The following MAGI2 variants were observed in gnomAD, a reference collection of about 807,000 sequenced individuals.
The protein encoded by MAGI2 is membrane associated guanylate kinase, WW and PDZ domain containing 2, also known as membrane-associated guanylate kinase, WW and PDZ domain-containing protein 2.
MAGI2 carries 35 observed loss-of-function variants against 133.3 expected under a neutral mutation model. The ratio of observed to expected loss-of-function variants is 0.26; its 90% confidence interval spans 0.20 to 0.35. MAGI2 has a LOEUF of 0.35. Ranked by LOEUF, MAGI2 falls within the 10% of genes least tolerant of loss-of-function variation. MAGI2 has a pLI of 1.00. For synonymous variants in MAGI2, 729 were observed against 710.6 expected (o/e 1.03, Z -0.41); for missense variants, 1,636 against 1,863.4 (o/e 0.88, Z 2.25).
At chr7:78,300,541 A>G (rs1797737178) in intron 9 of MAGI2, among the ~76,000 whole-genome samples, 1 of 152,220 alleles carries the variant, frequency 6.6e-6, no homozygotes, top group Non-Finnish European at 1.5e-5. Flanking sequence ...CACGGTGGCA[A>G]TAGGTAATTA....
intron 6 of MAGI2, among the ~76,000 whole-genome samples, chr7:78,458,673 T>C (rs368051171): frequency 1.1e-4 from 17 of 151,636 alleles, no homozygotes; most frequent in South Asian, 6.2e-4. Context: ...CTCACTCTGT[T>C]ACCCAGGCTG....
intron 2 of MAGI2, among the ~76,000 whole-genome samples, chr7:78,827,558 G>A (rs1376689897): frequency 1.3e-5 from 2 of 151,924 alleles, no homozygotes; most frequent in Admixed American, 6.5e-5. Context: ...AATACATGGC[G>A]GCTCACCATG....
chr7:78,796,927 G>A (rs937509780), intron 2 of MAGI2, among the ~76,000 whole-genome samples: 6 of 152,116 alleles, frequency 3.9e-5, no homozygotes, highest in African/African-American at 1.4e-4. Flanking sequence ...AGCTACAAAA[G>A]TGGATTTCAC....
chr7:79,338,693 G>A (rs541982452), intron 1 of MAGI2, among the ~76,000 whole-genome samples: 8 of 152,154 alleles, frequency 5.3e-5, no homozygotes, highest in African/African-American at 1.9e-4. Context: ...AGGTGTCTAG[G>A]ACCCCTAAAT....
At chr7:79,338,710 T>C (rs1045177186) in intron 1 of MAGI2, among the ~76,000 whole-genome samples, 1 of 152,120 alleles carries the variant, frequency 6.6e-6, no homozygotes, top group Non-Finnish European at 1.5e-5. Context: ...AAATATGTTG[T>C]ATCCCATGTT....
intron 1 of MAGI2, among the ~76,000 whole-genome samples, chr7:79,337,204 A>G (rs1046347659): frequency 6.6e-6 from 1 of 152,304 alleles, no homozygotes; most frequent in South Asian, 2.1e-4. Context: ...AACACCAAAA[A>G]GTCTATCCAG....
chr7:78,653,436 A>G (rs889876645), intron 2 of MAGI2, among the ~76,000 whole-genome samples: 2 of 152,240 alleles, frequency 1.3e-5, no homozygotes, highest in African/African-American at 4.8e-5. Flanking sequence ...CATATACATT[A>G]TGGAATACTA....
chr7:78,093,679 T>C (rs928366243), intron 20 of MAGI2, among the ~76,000 whole-genome samples: 3 of 152,246 alleles, frequency 2.0e-5, no homozygotes, highest in Non-Finnish European at 4.4e-5. Flanking sequence ...GCTAAAGTGA[T>C]ATTACTCTAT....
chr7:79,057,936 C>A (rs763603877), intron 1 of MAGI2, among the ~76,000 whole-genome samples: 2 of 149,764 alleles, frequency 1.3e-5, no homozygotes, highest in Non-Finnish European at 1.5e-5. Flanking sequence ...ACAAATTGTT[C>A]CTGCCCAGAA....
intron 7 of MAGI2, among the ~76,000 whole-genome samples, chr7:78,363,511 G>GATA (rs10570471): frequency 1.8e-3 from 268 of 147,788 alleles, no homozygotes; most frequent in Middle Eastern, 0.014. Context: ...TAATAATAAT[G>GATA]ATAATAATAA....
Position 78,193,841 on chromosome 7 carries a change from C to T in MAGI2, c.2269+1033G>A, listed in dbSNP as rs995973930. ...ATGGCTTGCCATCCTAACTATTTTT[C>T]AACCAAAATTAGTTCTACAAAGAGT... On this transcript the variant is annotated intron_variant, in intron 12 of 21. Transcript: ENST00000354212. Among the ~76,000 whole-genome samples the T allele has an allele frequency of 8.5e-5, 13 of 152,100 alleles. No individual in the cohort carries two copies. The South Asian group carries it at 2.7e-3, about 32-fold the overall frequency.
chr7:78,723,150 TC>T lies in MAGI2; in HGVS notation c.419-95912del, dbSNP rs559791092. Among the ~76,000 whole-genome samples, 4 of 152,302 alleles carry T rather than the reference TC, an allele frequency of 2.6e-5. No individual in the cohort carries two copies. The South Asian group carries it at 6.2e-4, about 24-fold the overall frequency. On this transcript the variant is annotated intron_variant, in intron 2 of 21. Transcript: ENST00000354212. ...CGCATGATTAATCTTTTAAATAATA[TC>T]CTAATATTGTTTAAATATACTTTGA...
At chr7:78,324,174 CT>C (rs1788332154) in intron 9 of MAGI2, among the ~76,000 whole-genome samples, 1 of 140,500 alleles carries the variant, frequency 7.1e-6, no homozygotes, top group African/African-American at 2.6e-5. Flanking sequence ...ACACTACACA[CT>C]ACACTACACT....
intron 2 of MAGI2, among the ~76,000 whole-genome samples, chr7:78,635,200 G>A (rs202150364): frequency 2.0e-5 from 3 of 152,272 alleles, no homozygotes; most frequent in East Asian, 3.9e-4. Flanking sequence ...ACATGGAAGC[G>A]ACTTGTCATT....
In MAGI2 at chr7:78,987,968, G is replaced by A. The variant is rs577424530; in HGVS notation, c.418+19122C>T. On this transcript the variant is annotated intron_variant, in intron 2 of 21. Transcript: ENST00000354212. ...TTTGCTTTTATATGAAGGACGCTTT[G>A]GTTCGTATTAGTTAAAATAATGCTG... Among the ~76,000 whole-genome samples, 3 of 152,076 alleles carry A rather than the reference G, an allele frequency of 2.0e-5. No homozygotes were observed. In the East Asian group the frequency reaches 5.8e-4, roughly 30 times the overall value.
intron 2 of MAGI2, among the ~76,000 whole-genome samples, chr7:78,969,340 C>T (rs920686737): frequency 6.6e-6 from 1 of 152,070 alleles, no homozygotes; most frequent in African/African-American, 2.4e-5. Context: ...TCCGCCCAAA[C>T]GTGGAAACCC....
In MAGI2 at chr7:78,529,668, G is replaced by GTTTTTTTTTTTTTTTTTTTTTTTT. The variant is rs554010061; in HGVS notation, c.539-8047_539-8024dup. Among the ~76,000 whole-genome samples, 70 of 57,422 alleles carry GTTTTTTTTTTTTTTTTTTTTTTTT rather than the reference G, an allele frequency of 1.2e-3. 23 individuals are homozygous for GTTTTTTTTTTTTTTTTTTTTTTTT. The highest frequency in any genetic ancestry group is 1.9e-3 in the Non-Finnish European group (55 of 28,730). The allele number at this position is 57,422 out of a possible 152,430, so 37.7% of individuals were successfully genotyped here. On this transcript the variant is annotated intron_variant, in intron 3 of 21. Coordinates refer to ENST00000354212, the MANE Select transcript of MAGI2 (RefSeq NM_012301.4). ...TTTCTTTTCCTTGCTAAAGGAGATG[G>GTTTTTTTTTTTTTTTTTTTTTTTT]TTTTTTTTTTTTTTTTTTTTTTTTT... is the stretch of plus-strand genomic sequence containing the variant.
intron 1 of MAGI2, among the ~76,000 whole-genome samples, chr7:79,187,321 T>C (rs1184692249): frequency 6.6e-6 from 1 of 151,782 alleles, no homozygotes; most frequent in East Asian, 1.9e-4. Context: ...CTTCAAAAAG[T>C]AGTCAGTTGA....
Position 79,293,355 on chromosome 7 carries a change from A to G in MAGI2, c.301+159665T>C, listed in dbSNP as rs186651240. Among the ~76,000 whole-genome samples, 232 of 152,364 alleles carry G rather than the reference A, an allele frequency of 1.5e-3. 3 individuals carry two copies. The highest frequency in any genetic ancestry group is 9.1e-3 in the South Asian group (44 of 4,830). ...TTAATTTTCAAGAGTACTTACAAGT[A>G]TATAAAAATTTCCCATTTATTATTT... On this transcript the variant is annotated intron_variant, in intron 1 of 21. Transcript: ENST00000354212.
Sources: gnomAD v4.1 joint callset for allele counts (sites outside exome capture counted in the v4.1 genomes callset) on GRCh38, gnomAD v4.1.1 for gene constraint, MANE v1.5 for transcripts, NCBI Gene and HGNC (gene_info 2026-07-23, HGNC 2026-07-21) for gene names.